Variants in HDX observed in about 807,000 individuals in gnomAD.
The protein encoded by HDX is chromosome X open reading frame 43.
A neutral mutation model predicts 45.2 loss-of-function variants in HDX; 19 were observed. That is an observed-to-expected ratio of 0.42 (90% CI 0.29 to 0.62). HDX has a LOEUF of 0.62. Among genes scored for constraint, HDX ranks in the 20% least tolerant of loss-of-function variants. HDX has a pLI of 0.20. For synonymous variants in HDX, 188 were observed against 172.8 expected, an observed-to-expected ratio of 1.09 and a Z score of -0.69; for missense variants, 532 against 493.9, an observed-to-expected ratio of 1.08 and a Z score of -0.73.
At chrX:84,379,482 T>A (rs2038135846) in intron 5 of HDX, among the ~76,000 whole-genome samples, 1 of 111,062 alleles carries the variant, frequency 9.0e-6, no homozygotes, top group Non-Finnish European at 1.9e-5. Context: ...ATATGTGTAA[T>A]CACAAAAGAC....
intron 6 of HDX, among the ~76,000 whole-genome samples, chrX:84,344,813 G>A (rs1037585524): frequency 1.4e-4 from 16 of 110,665 alleles, no homozygotes; most frequent in Non-Finnish European, 2.8e-4. Flanking sequence ...ATATTTATTA[G>A]CAGAAAGAAG....
chrX:84,411,983 G>T (rs755465728), intron 5 of HDX, among the ~76,000 whole-genome samples: 1 of 110,593 alleles, frequency 9.0e-6, no homozygotes, highest in African/African-American at 3.3e-5. Context: ...TATACTATCA[G>T]CCCCCACTTT....
chrX:84,334,758 A>C (rs1236460217), intron 8 of HDX, among the ~76,000 whole-genome samples: 2 of 110,505 alleles, frequency 1.8e-5, no homozygotes, highest in African/African-American at 6.5e-5. Context: ...ACTCCTTTAA[A>C]TATTTAAACC....
chrX:84,483,474 C>T (rs1380609315), intron 2 of HDX, among the ~76,000 whole-genome samples: 1 of 112,559 alleles, frequency 8.9e-6, no homozygotes, highest in African/African-American at 3.2e-5. Context: ...GGTGCAATGG[C>T]CTGAGCTGTA....
intron 5 of HDX, among the ~76,000 whole-genome samples, chrX:84,428,756 C>T (rs2039440403): frequency 9.0e-6 from 1 of 110,704 alleles, no homozygotes; most frequent in South Asian, 3.7e-4. Context: ...ATGAATCATG[C>T]TTTTAATGTG....
At chrX:84,380,913 G>A (rs1238005736) in intron 5 of HDX, among the ~76,000 whole-genome samples, 1 of 110,459 alleles carries the variant, frequency 9.1e-6, no homozygotes, top group African/African-American at 3.3e-5. Context: ...ATATAGGAAA[G>A]GAAGACGTCA....
At chrX:84,418,491 C>T (rs140023556) in intron 5 of HDX, among the ~76,000 whole-genome samples, 12,676 of 110,967 alleles carry the variant, frequency 0.11, 632 homozygotes, top group South Asian at 0.28. Context: ...TTACTTTTAA[C>T]GGTGAAAATG....
intron 5 of HDX, among the ~76,000 whole-genome samples, chrX:84,377,712 A>C (rs1312789488): frequency 9.0e-6 from 1 of 111,010 alleles, no homozygotes; most frequent in East Asian, 2.8e-4. Flanking sequence ...GAGGGACAAA[A>C]GGAAAAAAAA....
intron 4 of HDX, among the ~76,000 whole-genome samples, chrX:84,463,603 T>C (rs1220233800): frequency 9.0e-6 from 1 of 111,476 alleles, no homozygotes; most frequent in Non-Finnish European, 1.9e-5. Context: ...ACTGAAATGA[T>C]AAATGTTGTA....
At chrX:84,343,058 AG>A (rs1370409897) in intron 7 of HDX, among the ~76,000 whole-genome samples, 1 of 111,217 alleles carries the variant, frequency 9.0e-6, no homozygotes, top group Non-Finnish European at 1.9e-5. Flanking sequence ...GAAAATGCCC[AG>A]AAAAGACAAA....
intron 1 of HDX, among the ~76,000 whole-genome samples, chrX:84,494,384 A>G (rs1374854161): frequency 2.7e-5 from 3 of 112,416 alleles, no homozygotes; most frequent in Admixed American, 9.5e-5. Context: ...ACATTTCACA[A>G]TCTTGCAAAT....
chrX:84,347,421 C>G (rs1412354683), intron 6 of HDX, among the ~76,000 whole-genome samples: 3 of 111,190 alleles, frequency 2.7e-5, no homozygotes, highest in Non-Finnish European at 5.7e-5. Context: ...TTCCTGTTTT[C>G]TAATGTATAC....
At chrX:84,357,383 A>G (rs1331766394) in intron 6 of HDX, among the ~76,000 whole-genome samples, 1 of 111,953 alleles carries the variant, frequency 8.9e-6, no homozygotes, top group Non-Finnish European at 1.9e-5. Context: ...ACTCAAGCAA[A>G]CATATGAATA....
At chrX:84,378,940 G>A (rs1249280838) in intron 5 of HDX, among the ~76,000 whole-genome samples, 1 of 110,424 alleles carries the variant, frequency 9.1e-6, no homozygotes, top group Non-Finnish European at 1.9e-5. Context: ...GACACATATA[G>A]ACTGAAAATA....
rs1343014003 is a variant in HDX at position 84,322,028 on chromosome X, AT to A, written c.1948-15del. ...TGACAGCAGTGCCTGAATAAAAAAA[AT>A]AATATTTTTGGATTAGTATGTGGAT... is the stretch of plus-strand genomic sequence containing the variant. On this transcript the variant is annotated splice_polypyrimidine_tract_variant and intron_variant, in intron 10 of 10. Transcript: ENST00000373177. The A allele has an allele frequency of 2.7e-6, 3 of 1,116,793 alleles. No individual in the cohort carries two copies. The highest frequency in any genetic ancestry group is 3.2e-5 in the East Asian group (1 of 31,329). 92.0% of individuals were successfully genotyped at this position (1,116,793 alleles called of 1,213,427 possible).
At chrX:84,330,330 T>C (rs1054136110) in intron 9 of HDX, among the ~76,000 whole-genome samples, 7 of 112,030 alleles carry the variant, frequency 6.2e-5, no homozygotes, top group Non-Finnish European at 1.3e-4. Context: ...AGAGCATTTG[T>C]TCAAAAAACC....
chrX:84,331,324 T>A lies in HDX; in HGVS notation c.1824+2435A>T, dbSNP rs1450883474. Among the ~76,000 whole-genome samples, 6 of 111,999 alleles carry A rather than the reference T, an allele frequency of 5.4e-5. No individual in the cohort carries two copies. In the East Asian group the frequency reaches 1.7e-3, roughly 31 times the overall value. ...CAAATGCACCATTGGAAACATTCTT[T>A]CAGTTTGCCACATGAAATCTCAAGA... On this transcript the variant is annotated intron_variant, in intron 9 of 10. Coordinates refer to ENST00000373177, the MANE Select transcript of HDX (RefSeq NM_001177479.2).
chrX:84,426,906 A>C (rs2039394726), intron 5 of HDX, among the ~76,000 whole-genome samples: 1 of 110,652 alleles, frequency 9.0e-6, no homozygotes, highest in African/African-American at 3.3e-5. Context: ...ATCACATTAT[A>C]CACCTTAAAT....
intron 5 of HDX, among the ~76,000 whole-genome samples, chrX:84,406,481 CACACACACACACACACACAT>C (rs1471837157): frequency 3.8e-5 from 3 of 79,050 alleles, no homozygotes; most frequent in African/African-American, 1.3e-4. Flanking sequence ...CACACACACA[CACACACACACACACACACAT>C]ACACACACAC....
Sources: gnomAD v4.1 joint callset for allele counts (sites outside exome capture counted in the v4.1 genomes callset) on GRCh38, gnomAD v4.1.1 for gene constraint, MANE v1.5 for transcripts, NCBI Gene and HGNC (gene_info 2026-07-23, HGNC 2026-07-21) for gene names.